STK3: variants seen among roughly 807,000 people sequenced by gnomAD.
The protein encoded by STK3 is serine/threonine-protein kinase 3.
In STK3, 41 loss-of-function variants were observed where a neutral mutation model predicts 58.0. The ratio of observed to expected loss-of-function variants is 0.71; its 90% CI spans 0.55 to 0.92. The LOEUF is 0.92. Among genes scored for constraint, STK3 ranks in the 40% least tolerant of loss-of-function variants. STK3 has a pLI of 0.00. For missense variants in STK3, 479 were observed against 602.7 expected (o/e 0.79, Z 2.15); for synonymous variants, 170 against 191.0 (o/e 0.89, Z 0.91).
At chr8:98,637,309 T>C (rs1819696520) in intron 6 of STK3, among the ~76,000 whole-genome samples, 1 of 152,160 alleles carries the variant, frequency 6.6e-6, no homozygotes, top group Non-Finnish European at 1.5e-5. Flanking sequence ...CTGTTTGTAT[T>C]ACAATTACAC....
At position 98,767,378 on chromosome 8, in the gene STK3, G is replaced by A. The variant is rs1831015537; in HGVS notation, c.108-7C>T. 1.3e-6 allele frequency: 2 copies of A among 1,583,734 alleles called. No individual in the cohort carries two copies. The highest frequency in any genetic ancestry group is 2.7e-5 in the African/African-American group (2 of 73,190). ...AAATACACTTCCATAAGACCTAAAA[G>A]AAACCAAGACATTATTTTTTTCCTA... On this transcript the variant is annotated splice_polypyrimidine_tract_variant and splice_region_variant and intron_variant, in intron 2 of 10. Transcript: ENST00000419617.
chr8:98,860,144 C>T (rs1025308650), intron 3 of STK3, among the ~76,000 whole-genome samples: 6 of 152,052 alleles, frequency 3.9e-5, no homozygotes, highest in Non-Finnish European at 7.3e-5. Flanking sequence ...TGGGATGTAG[C>T]GGTGAAAAAG....
intron 9 of STK3, among the ~76,000 whole-genome samples, chr8:98,535,455 A>C (rs1162844902): frequency 1.6e-5 from 2 of 123,980 alleles, no homozygotes; most frequent in Non-Finnish European, 3.5e-5. Context: ...TGCTTTCATT[A>C]ATTTTTTTTT....
At chr8:98,762,493 A>G (rs1288174304) in intron 3 of STK3, among the ~76,000 whole-genome samples, 2 of 152,098 alleles carry the variant, frequency 1.3e-5, no homozygotes, top group African/African-American at 4.8e-5. Context: ...TGACCTTGTG[A>G]TCCACCCGCC....
At chr8:98,480,007 T>C (rs971331144) in intron 10 of STK3, among the ~76,000 whole-genome samples, 1 of 151,948 alleles carries the variant, frequency 6.6e-6, no homozygotes, top group East Asian at 1.9e-4. Context: ...AAAAAATTGA[T>C]TGGAAAAAGG....
At chr8:98,833,137 T>C (rs1835601251) in intron 3 of STK3, among the ~76,000 whole-genome samples, 1 of 152,112 alleles carries the variant, frequency 6.6e-6, no homozygotes, top group Non-Finnish European at 1.5e-5. Context: ...AGACAGAAAC[T>C]ACAGGCAAAA....
chr8:98,711,439 A>G (rs1037576755), intron 4 of STK3, among the ~76,000 whole-genome samples: 5 of 152,230 alleles, frequency 3.3e-5, no homozygotes, highest in African/African-American at 1.2e-4. Flanking sequence ...AAGTCCTTAA[A>G]GGACCTGATG....
At chr8:98,883,546 A>T, downstream of STK3, 1 of 599,952 alleles carries the variant, frequency 1.7e-6, no homozygotes. Flanking sequence ...TAACATAAAT[A>T]AAAAGAAGAA....
intron 6 of STK3, chr8:98,633,894 T>A: frequency 3.1e-6 from 1 of 327,060 alleles, no homozygotes; most frequent in Non-Finnish European, 6.0e-6. Context: ...AAAATTAACC[T>A]GGTAAGTTGT....
chr8:98,917,550 C>T (rs987609011), intron 1 of STK3, among the ~76,000 whole-genome samples: 2 of 152,126 alleles, frequency 1.3e-5, no homozygotes, highest in Non-Finnish European at 2.9e-5. Context: ...TAAAAGAAAC[C>T]TCAGAGAGCT....
At chr8:98,436,954 C>A (rs980814958) in intron 2 of STK3, 2 of 152,324 alleles carry the variant, frequency 1.3e-5, no homozygotes, top group African/African-American at 2.4e-5. Context: ...CATCCTAAGG[C>A]TCTCACCCCG....
intron 10 of STK3, among the ~76,000 whole-genome samples, chr8:98,464,540 T>TAAAAAAAAAAAAAAAAAAAAAAAA: frequency 1.9e-4 from 13 of 69,220 alleles, no homozygotes; most frequent in Non-Finnish European, 2.3e-4. Context: ...TACTTAAAGT[T>TAAAAAAAAAAAAAAAAAAAAAAAA]AAAAAAAAAA....
intron 1 of STK3, among the ~76,000 whole-genome samples, chr8:98,938,361 T>G (rs1391841372): frequency 6.6e-6 from 1 of 152,106 alleles, no homozygotes; most frequent in African/African-American, 2.4e-5. Flanking sequence ...AAGTGAACAA[T>G]CATAAGGGAA....
chr8:98,703,436 CACTT>C (rs1397876943), intron 6 of STK3, among the ~76,000 whole-genome samples: 2 of 152,152 alleles, frequency 1.3e-5, no homozygotes, highest in African/African-American at 2.4e-5. Flanking sequence ...ATATTTCACT[CACTT>C]ACCATAGTGT....
intron 3 of STK3, among the ~76,000 whole-genome samples, chr8:98,855,981 A>T (rs1162418017): frequency 6.6e-6 from 1 of 151,718 alleles, no homozygotes; most frequent in African/African-American, 2.4e-5. Flanking sequence ...ACGTGGCAAA[A>T]CTCCGTCTCT....
At chr8:98,568,164 T>A (rs1254503648) in intron 8 of STK3, among the ~76,000 whole-genome samples, 2 of 151,814 alleles carry the variant, frequency 1.3e-5, no homozygotes, top group Non-Finnish European at 2.9e-5. Flanking sequence ...GTCCAAGAAA[T>A]TACAAATGGC....
chr8:98,812,729 CT>C (rs1025674083), intron 1 of STK3, among the ~76,000 whole-genome samples: 1 of 152,198 alleles, frequency 6.6e-6, no homozygotes, highest in African/African-American at 2.4e-5. Flanking sequence ...AGTTTATGTC[CT>C]TTGTAGGGAC....
intron 3 of STK3, among the ~76,000 whole-genome samples, chr8:98,877,761 G>C (rs1336241492): frequency 6.6e-6 from 1 of 152,040 alleles, no homozygotes; most frequent in Non-Finnish European, 1.5e-5. Flanking sequence ...GGGATTACAG[G>C]CATGAGCCAC....
At chr8:98,671,997 G>C (rs1320680874) in intron 6 of STK3, among the ~76,000 whole-genome samples, 1 of 152,136 alleles carries the variant, frequency 6.6e-6, no homozygotes, top group Non-Finnish European at 1.5e-5. Context: ...CTGTGAAGAG[G>C]TGCCTTCCAC....
Sources: gnomAD v4.1 joint callset for allele counts (sites outside exome capture counted in the v4.1 genomes callset) on GRCh38, gnomAD v4.1.1 for gene constraint, MANE v1.5 for transcripts, NCBI Gene and HGNC (gene_info 2026-07-23, HGNC 2026-07-21) for gene names.